The following GALNTL6 variants were observed in gnomAD, a reference collection of about 807,000 sequenced individuals.
GALNTL6 encodes polypeptide N-acetylgalactosaminyltransferase like 6.
GALNTL6 carries 46 observed loss-of-function variants against 73.7 expected under a neutral mutation model. That is an observed-to-expected ratio of 0.62 (90% confidence interval 0.49 to 0.80). The LOEUF (loss-of-function observed/expected upper bound fraction) is 0.80. Among genes scored for constraint, GALNTL6 ranks in the 30% least tolerant of loss-of-function variants. The pLI is 0.00. For missense variants in GALNTL6, 604 were observed against 755.0 expected, an observed-to-expected ratio of 0.80 and a Z score of 2.34; for synonymous variants, 259 against 263.7, an observed-to-expected ratio of 0.98 and a Z score of 0.17.
intron 2 of GALNTL6, among the ~76,000 whole-genome samples, chr4:171,926,002 A>C (rs1737967345): frequency 7.0e-6 from 1 of 141,880 alleles, no homozygotes; most frequent in Non-Finnish European, 1.5e-5. Flanking sequence ...AAATTTTACA[A>C]AAATATTATT....
chr4:171,933,123 G>T (rs1738238940), intron 2 of GALNTL6, among the ~76,000 whole-genome samples: 1 of 152,144 alleles, frequency 6.6e-6, no homozygotes, highest in Non-Finnish European at 1.5e-5. Flanking sequence ...GATAAAGGTG[G>T]AAAATTGCGT....
At chr4:172,801,652 C>T (rs1298096625) in intron 5 of GALNTL6, among the ~76,000 whole-genome samples, 3 of 152,196 alleles carry the variant, frequency 2.0e-5, no homozygotes, top group African/African-American at 7.2e-5. Context: ...GGGGCCATGC[C>T]ATGGTGAATA....
chr4:172,473,362 A>G (rs1158208770), intron 5 of GALNTL6, among the ~76,000 whole-genome samples: 1 of 152,150 alleles, frequency 6.6e-6, no homozygotes, highest in Non-Finnish European at 1.5e-5. Flanking sequence ...CTACTGCCCC[A>G]TCCCTTCGTT....
At chr4:172,563,019 T>C (rs544077145) in intron 5 of GALNTL6, among the ~76,000 whole-genome samples, 2 of 152,342 alleles carry the variant, frequency 1.3e-5, no homozygotes, top group South Asian at 2.1e-4. Context: ...GTTAATATCG[T>C]TGTGGGTTGA....
chr4:172,984,502 G>A (rs1170551726), intron 10 of GALNTL6, among the ~76,000 whole-genome samples: 1 of 152,168 alleles, frequency 6.6e-6, no homozygotes, highest in Non-Finnish European at 1.5e-5. Flanking sequence ...TTGGGGGGCG[G>A]GGAGCACAGA....
chr4:172,672,669 G>A (rs1177798597), intron 5 of GALNTL6, among the ~76,000 whole-genome samples: 1 of 151,984 alleles, frequency 6.6e-6, no homozygotes, highest in Non-Finnish European at 1.5e-5. Flanking sequence ...TTTTTGCATT[G>A]GTAGGTTGTT....
intron 5 of GALNTL6, among the ~76,000 whole-genome samples, chr4:172,648,772 T>C (rs1245756054): frequency 2.0e-5 from 3 of 152,200 alleles, no homozygotes; most frequent in Non-Finnish European, 4.4e-5. Context: ...GATATTTGCA[T>C]TCTAGGCCTT....
intron 5 of GALNTL6, among the ~76,000 whole-genome samples, chr4:172,372,835 A>G (rs1255139466): frequency 1.3e-5 from 2 of 152,090 alleles, no homozygotes; most frequent in African/African-American, 4.8e-5. Context: ...AAAGCTGTTG[A>G]TTCCAAGGAA....
chr4:171,888,610 T>C (rs148393516), intron 2 of GALNTL6, among the ~76,000 whole-genome samples: 4 of 152,124 alleles, frequency 2.6e-5, no homozygotes, highest in Non-Finnish European at 5.9e-5. Flanking sequence ...TGGCAAAATC[T>C]AAACAAGCCC....
intron 2 of GALNTL6, among the ~76,000 whole-genome samples, chr4:172,064,379 C>T (rs900322859): frequency 1.3e-5 from 2 of 152,114 alleles, no homozygotes; most frequent in Admixed American, 6.5e-5. Flanking sequence ...GAATAGTGTA[C>T]GCTTGAAGTC....
chr4:171,889,934 C>T (rs1046229225), intron 2 of GALNTL6, among the ~76,000 whole-genome samples: 1 of 152,114 alleles, frequency 6.6e-6, no homozygotes, highest in African/African-American at 2.4e-5. Flanking sequence ...AATAAATGTA[C>T]TAAAAGCTTT....
At chr4:172,402,372 A>G (rs1252022738) in intron 5 of GALNTL6, among the ~76,000 whole-genome samples, 2 of 152,124 alleles carry the variant, frequency 1.3e-5, no homozygotes, top group African/African-American at 4.8e-5. Context: ...TTAAAAGATA[A>G]CATGAAGAAA....
intron 3 of GALNTL6, among the ~76,000 whole-genome samples, chr4:172,268,533 C>T (rs971341040): frequency 6.6e-6 from 1 of 152,204 alleles, no homozygotes; most frequent in Non-Finnish European, 1.5e-5. Context: ...AAGCACTTCT[C>T]TTCAGCAAAG....
chr4:171,990,319 T>A (rs1412773689), intron 2 of GALNTL6, among the ~76,000 whole-genome samples: 4 of 152,194 alleles, frequency 2.6e-5, no homozygotes, highest in Non-Finnish European at 5.9e-5. Context: ...TTTTTTTCAA[T>A]ACTCATTTAT....
intron 2 of GALNTL6, among the ~76,000 whole-genome samples, chr4:171,869,166 T>C (rs1471488331): frequency 2.0e-5 from 3 of 152,216 alleles, no homozygotes; most frequent in Non-Finnish European, 2.9e-5. Flanking sequence ...TATGTTTTTA[T>C]AATTCTCAGA....
At chr4:172,248,918 T>G (rs969310843) in intron 3 of GALNTL6, among the ~76,000 whole-genome samples, 1 of 152,190 alleles carries the variant, frequency 6.6e-6, no homozygotes, top group African/African-American at 2.4e-5. Flanking sequence ...ATTTCCTTTG[T>G]AAATTACCCA....
chr4:172,852,410 T>C (rs1437447709), intron 7 of GALNTL6, among the ~76,000 whole-genome samples: 1 of 152,124 alleles, frequency 6.6e-6, no homozygotes, highest in Non-Finnish European at 1.5e-5. Flanking sequence ...ATACATTACC[T>C]CTGCCCACAT....
At chr4:172,281,957 A>G (rs1254660975) in intron 3 of GALNTL6, among the ~76,000 whole-genome samples, 2 of 151,928 alleles carry the variant, frequency 1.3e-5, no homozygotes, top group African/African-American at 2.4e-5. Context: ...GCCTTAATTG[A>G]CTGATAGAAT....
At chr4:171,925,395 G>T (rs988655825) in intron 2 of GALNTL6, among the ~76,000 whole-genome samples, 1 of 152,172 alleles carries the variant, frequency 6.6e-6, no homozygotes, top group Admixed American at 6.6e-5. Context: ...CCTGAATTAA[G>T]ACAAAGGAAG....
Sources: allele counts gnomAD v4.1 joint callset (sites outside exome capture counted in the v4.1 genomes callset), GRCh38; gene constraint gnomAD v4.1.1; transcripts MANE v1.5; gene names NCBI Gene and HGNC (gene_info 2026-07-23, HGNC 2026-07-21).